DOK7: variants seen among roughly 807,000 people sequenced by gnomAD.
DOK7 encodes docking protein 7.
In DOK7, 32 loss-of-function variants were observed where a neutral mutation model predicts 30.7. The observed-to-expected ratio is 1.04, with a 90% CI of 0.79 to 1.40. The LOEUF (loss-of-function observed/expected upper bound fraction) is 1.40, where lower values mean the gene tolerates loss of function less well. Among genes scored for constraint, DOK7 ranks in the 40% most tolerant of loss-of-function variants. The pLI is 0.00. For missense variants in DOK7, 1,007 were observed against 699.2 expected (o/e 1.44, Z -4.97); for synonymous variants, 447 against 324.1 (o/e 1.38, Z -4.07).
downstream of DOK7, chr4:3,496,734 G>A: frequency 6.9e-7 from 1 of 1,450,546 alleles, no homozygotes; most frequent in Non-Finnish European, 9.3e-7. Context: ...CTCTTGGGGG[G>A]TAGTGTCCTT....
chr4:3,477,167 G>A (rs1190594170), intron 4 of DOK7, among the ~76,000 whole-genome samples: 1 of 152,264 alleles, frequency 6.6e-6, no homozygotes, highest in African/African-American at 2.4e-5. Context: ...GCAGGAGCAG[G>A]TTGTTCCAGC....
rs898026035 is a variant in DOK7 at position 3,493,365 on chromosome 4, A to G, written c.1379A>G (p.Gln460Arg). The change falls in exon 7 of 7, where the codon CAG (glutamine) becomes CGG (arginine). Residue 460 changes from glutamine (Q) to arginine (R), a missense_variant. Transcript: ENST00000340083. ...RRRGLVMEAP[Q>R]GSEATLPGPA... is the part of the protein sequence containing the mutation. Reference sequence around the variant, plus strand: ...CGGGGCCTGGTGATGGAGGCCCCCCAGGGCAGCGAGGCCACACTGCCTGGC... The same window carrying G: ...CGGGGCCTGGTGATGGAGGCCCCCCGGGGCAGCGAGGCCACACTGCCTGGC... The G allele has an allele frequency of 9.4e-6, 15 of 1,596,874 alleles. No individual in the cohort carries two copies. Among genetic ancestry groups the G allele is most frequent in the African/African-American group, 2.7e-5 (2 of 74,604 alleles).
intron 4 of DOK7, 41 bp downstream of exon 4, chr4:3,476,583 C>T: frequency 1.2e-6 from 2 of 1,607,476 alleles, no homozygotes; most frequent in Non-Finnish European, 1.7e-6. Context: ...GCAGCAGCAC[C>T]CCCCACTTCC....
At chr4:3,479,143 T>C (rs1050024675) in intron 4 of DOK7, among the ~76,000 whole-genome samples, 14 of 152,184 alleles carry the variant, frequency 9.2e-5, no homozygotes, top group Non-Finnish European at 7.4e-5. Context: ...GGAGGACCCA[T>C]GGGAAGGTCC....
Position 3,463,418 on chromosome 4 carries a change from G to C in DOK7, c.43G>C (p.Asp15His). The change falls in exon 1 of 7, where the codon GAC becomes CAC. Residue 15 changes from aspartate to histidine, a missense_variant. Asp to His is a moderately conservative substitution (Grantham distance 81, BLOSUM62 -1). Coordinates refer to ENST00000340083, the MANE Select transcript of DOK7 (RefSeq NM_173660.5). ...GGTGGAGGGCCAGGTCAAGCTGCGGGACGGCAAGAAGGTCGGGGCGCGTCG... is the reference window on the plus strand; with the variant it reads ...GGTGGAGGGCCAGGTCAAGCTGCGGCACGGCAAGAAGGTCGGGGCGCGTCG... ...ALVEGQVKLR[D>H]GKKWKSRWLV... is the part of the protein sequence containing the mutation. 6.8e-7 allele frequency: 1 copy of C among 1,478,362 alleles called. No homozygotes were observed. Among genetic ancestry groups the C allele is most frequent in the Non-Finnish European group, 8.9e-7 (1 of 1,126,386 alleles). The allele number at this position is 1,478,362 out of a possible 1,614,324, so 91.6% of individuals were successfully genotyped here. A position where few individuals can be genotyped will look rare whatever the true frequency, so the allele number is the denominator to read the frequency against.
intron 7 of DOK7, chr4:3,500,597 T>C: frequency 6.6e-7 from 1 of 1,526,070 alleles, no homozygotes; most frequent in South Asian, 1.2e-5. Flanking sequence ...CTCAGATGCT[T>C]CCGAGGGCCT....
chr4:3,472,244 C>A (rs73793914), intron 2 of DOK7, among the ~76,000 whole-genome samples: 2 of 152,238 alleles, frequency 1.3e-5, no homozygotes, highest in African/African-American at 4.8e-5. Flanking sequence ...TGAGTGTCTG[C>A]GTCAAATTCA....
chr4:3,497,370 G>A (rs1008700119), downstream of DOK7, among the ~76,000 whole-genome samples: 4 of 152,084 alleles, frequency 2.6e-5, no homozygotes, highest in African/African-American at 7.2e-5. Flanking sequence ...CAGGGCATTG[G>A]TGCCCTGGCA....
Position 3,493,949 on chromosome 4 carries a change from A to C in DOK7, c.*448A>C. The C allele has an allele frequency of 2.0e-6, 2 of 1,006,308 alleles. No homozygotes were observed. The highest frequency in any genetic ancestry group is 2.4e-6 in the Non-Finnish European group (2 of 844,544). 62.3% of individuals were successfully genotyped at this position (1,006,308 alleles called of 1,614,324 possible). A position where few individuals can be genotyped will look rare whatever the true frequency, so the allele number is the denominator to read the frequency against. ...GCAGTCACACCACCTGTTAAGCATC[A>C]AGCTACCACAGAGGCTCCGGCCACC... is the stretch of plus-strand genomic sequence containing the variant. On this transcript the variant is annotated 3_prime_UTR_variant, in exon 7 of 7. Transcript: ENST00000340083.
chr4:3,482,803 T>TG (rs536250302), intron 4 of DOK7, among the ~76,000 whole-genome samples: 150 of 152,266 alleles, frequency 9.9e-4, no homozygotes, highest in Non-Finnish European at 1.6e-3. Context: ...GGCCGAGCAC[T>TG]GGGGGTCTCC....
chr4:3,465,416 G>A (rs967362180), intron 2 of DOK7, among the ~76,000 whole-genome samples: 1 of 152,208 alleles, frequency 6.6e-6, no homozygotes, highest in Non-Finnish European at 1.5e-5. Flanking sequence ...GAGGGAGCAG[G>A]CCCCAGCCCT....
chr4:3,495,267 G>C (rs1224732718), downstream of DOK7, among the ~76,000 whole-genome samples: 2 of 152,246 alleles, frequency 1.3e-5, no homozygotes, highest in Non-Finnish European at 2.9e-5. Flanking sequence ...CGCCAGTCTT[G>C]TTGCAGGACG....
At chr4:3,494,940 T>TTG, downstream of DOK7, among the ~76,000 whole-genome samples, 1 of 151,718 alleles carries the variant, frequency 6.6e-6, no homozygotes, top group Middle Eastern at 3.4e-3. Context: ...CGCCACCCTG[T>TTG]TGTGGGTGCC....
At chr4:3,466,310 G>A (rs368089717) in intron 2 of DOK7, among the ~76,000 whole-genome samples, 207 of 150,884 alleles carry the variant, frequency 1.4e-3, no homozygotes, top group African/African-American at 4.7e-3. Context: ...AGCCCGGCCT[G>A]CAGGAGGGAC....
intron 6 of DOK7, among the ~76,000 whole-genome samples, chr4:3,491,791 C>T (rs1484937943): frequency 2.0e-5 from 3 of 152,260 alleles, no homozygotes; most frequent in African/African-American, 7.2e-5. Flanking sequence ...GTGGCTCTGG[C>T]TCTGTTGCCA....
At chr4:3,478,170 C>T (rs996097110) in intron 4 of DOK7, among the ~76,000 whole-genome samples, 3 of 152,308 alleles carry the variant, frequency 2.0e-5, no homozygotes, top group South Asian at 2.1e-4. Flanking sequence ...GGTGGCGCCG[C>T]GTGCTCACCC....
chr4:3,495,515 C>A (rs1217141579), downstream of DOK7, among the ~76,000 whole-genome samples: 1 of 152,244 alleles, frequency 6.6e-6, no homozygotes, highest in African/African-American at 2.4e-5. Context: ...GGGACATCTG[C>A]CTCTCCTCAC....
At position 3,493,790 on chromosome 4, in the gene DOK7, G is replaced by C; in HGVS notation, c.*289G>C. On this transcript the variant is annotated 3_prime_UTR_variant, in exon 7 of 7. Coordinates refer to ENST00000340083, the MANE Select transcript of DOK7 (RefSeq NM_173660.5). ...CGTGTCCCCCACCCCTGAGGATCAG[G>C]TGAGTGCTGCACCTCTGTTGGCTCG... The C allele has an allele frequency of 1.5e-6, 2 of 1,363,088 alleles. No homozygotes were observed. The highest frequency in any genetic ancestry group is 1.9e-6 in the Non-Finnish European group (2 of 1,058,796). 84.4% of individuals were successfully genotyped at this position (1,363,088 alleles called of 1,614,324 possible). A position where few individuals can be genotyped will look rare whatever the true frequency, so the allele number is the denominator to read the frequency against.
At chr4:3,496,035 G>A (rs1026387415), downstream of DOK7, among the ~76,000 whole-genome samples, 2 of 152,226 alleles carry the variant, frequency 1.3e-5, no homozygotes, top group Non-Finnish European at 2.9e-5. Flanking sequence ...CAGAACAGGA[G>A]GGTGCTGCGC....
Sources: gnomAD v4.1 joint callset for allele counts (sites outside exome capture counted in the v4.1 genomes callset) on GRCh38, gnomAD v4.1.1 for gene constraint, MANE v1.5 for transcripts, NCBI Gene and HGNC (gene_info 2026-07-23, HGNC 2026-07-21) for gene names.